The following PLXNA1 variants were observed in gnomAD, a reference collection of about 807,000 sequenced individuals.
PLXNA1 encodes plexin A1.
Under a neutral mutation model 191.7 loss-of-function variants are expected in PLXNA1, and 77 were observed. That is an observed-to-expected ratio of 0.40 (90% CI 0.33 to 0.49). The LOEUF is 0.49. PLXNA1 is among the 20% of genes least tolerant of loss of function. The pLI is 0.63. For synonymous variants in PLXNA1, 1,137 were observed against 1,156.4 expected (o/e 0.98, Z 0.34); for missense variants, 2,110 against 2,660.2 (o/e 0.79, Z 4.55).
At chr3:127,007,582 A>G (rs1031539388) in intron 8 of PLXNA1, among the ~76,000 whole-genome samples, 1 of 152,024 alleles carries the variant, frequency 6.6e-6, no homozygotes, top group Non-Finnish European at 1.5e-5. Flanking sequence ...GAAGGTGGGG[A>G]GGCAAGACAC....
At chr3:127,001,014 G>A (rs2079037577) in intron 3 of PLXNA1, among the ~76,000 whole-genome samples, 1 of 152,260 alleles carries the variant, frequency 6.6e-6, no homozygotes, top group Admixed American at 6.5e-5. Context: ...ATGGCGGATG[G>A]ACAGCTGGAC....
chr3:127,016,922 C>A (rs1401630352), intron 16 of PLXNA1, 22 bp from the exon 17 acceptor site: 1 of 1,596,814 alleles, frequency 6.3e-7, no homozygotes. Context: ...TTGGTGACCC[C>A]CCCACCCCTG....
At chr3:127,029,300 T>A in intron 26 of PLXNA1, 140 bp from the exon 27 acceptor site, 3 of 874,052 alleles carry the variant, frequency 3.4e-6, no homozygotes, top group Non-Finnish European at 5.7e-6. Context: ...GCTGTCCTGA[T>A]ATAGAGTTCC....
At chr3:127,022,427 G>A (rs2079156539) in intron 22 of PLXNA1, 86 bp downstream of exon 22, 4 of 1,512,286 alleles carry the variant, frequency 2.6e-6, no homozygotes, top group African/African-American at 1.4e-5. Context: ...CAGAGACGTT[G>A]CTGTGGCAGT....
rs1028155439 is a variant in PLXNA1 at position 127,018,156 on chromosome 3, C to G, written c.3661-138C>G. The G allele has an allele frequency of 4.5e-5, 41 of 906,026 alleles. No homozygotes were observed. In the African/African-American group the frequency reaches 6.2e-4, roughly 14 times the overall value. 56.1% of individuals were successfully genotyped at this position (906,026 alleles called of 1,614,324 possible). ...TGCCCTGGGTCCCAGTGTCTCCACCCTGGTGACCACTCTGTGCCCCTGTCG... is the reference window on the plus strand; with the variant it reads ...TGCCCTGGGTCCCAGTGTCTCCACCGTGGTGACCACTCTGTGCCCCTGTCG... On this transcript the variant is annotated intron_variant, in intron 19 of 31. Coordinates refer to ENST00000393409, the MANE Select transcript of PLXNA1 (RefSeq NM_032242.4).
chr3:127,013,206 C>G (rs1268750269), intron 10 of PLXNA1, among the ~76,000 whole-genome samples: 3 of 152,228 alleles, frequency 2.0e-5, no homozygotes, highest in Non-Finnish European at 4.4e-5. Context: ...CATTTCTGTT[C>G]TATCACCAAC....
chr3:127,034,134 C>A lies in PLXNA1; in HGVS notation c.*117C>A, dbSNP rs527975744. 2 of 925,844 alleles carry A rather than the reference C, an allele frequency of 2.2e-6. No individual in the cohort carries two copies. The highest frequency in any genetic ancestry group is 1.6e-5 in the African/African-American group (1 of 60,676). The allele number at this position is 925,844 out of a possible 1,614,324, so 57.4% of individuals were successfully genotyped here. A position where few individuals can be genotyped will look rare whatever the true frequency, so the allele number is the denominator to read the frequency against. The stretch of plus-strand genomic sequence containing the variant: ...TGGTGCTCGGGCCGCCGCAGTGCAG[C>A]GACTGCCCGGCCCTCCCTCCCCTGC... On this transcript the variant is annotated 3_prime_UTR_variant, in exon 32 of 32. Coordinates refer to ENST00000393409, the MANE Select transcript of PLXNA1 (RefSeq NM_032242.4).
At chr3:127,006,042 A>G in intron 7 of PLXNA1, 37 bp from the exon 8 acceptor site, 11 of 1,541,916 alleles carry the variant, frequency 7.1e-6, no homozygotes, top group Non-Finnish European at 9.9e-6. Context: ...AGTCCTGGGC[A>G]AGCAGTCCTG....
At position 126,989,488 on chromosome 3, in the gene PLXNA1, C is replaced by T. The variant is rs2107620386; in HGVS notation, c.895C>T (p.Pro299Ser). ...CAAATTCTACTCGTACGTTGAGTTC[C>T]CCATTGGCTGCGAGCAGGCGGGTGT... ...DPKFYSYVEF[P>S]IGCEQAGVEY... The change falls in exon 2 of 32, where the codon CCC becomes TCC. Residue 299 changes from proline (P) to serine (S), a missense_variant. Pro to Ser is a moderately conservative substitution (Grantham distance 74, BLOSUM62 -1). This residue lies in a region of PLXNA1 where 903 missense variants were observed against 1,015.7 expected (regional missense o/e 0.89). Coordinates refer to ENST00000393409, the MANE Select transcript of PLXNA1 (RefSeq NM_032242.4). 1.2e-6 allele frequency: 2 copies of T among 1,613,762 alleles called. No individual in the cohort carries two copies. Among genetic ancestry groups the T allele is most frequent in the Non-Finnish European group, 8.5e-7 (1 of 1,180,044 alleles).
At chr3:126,990,527 G>A (rs2078984999) in intron 2 of PLXNA1, among the ~76,000 whole-genome samples, 2 of 152,212 alleles carry the variant, frequency 1.3e-5, no homozygotes, top group African/African-American at 4.8e-5. Flanking sequence ...GAAAGTGAAG[G>A]GGCTGGGACT....
rs747239716 is a variant in PLXNA1, at chr3:127,029,009, C to T, written c.4686C>T (p.Arg1562=). ...CTCCCCCAGAGTGGCGCCAGGGCCGCATGGCGCGCATCATCCTGCAGGACG... is the reference window on the plus strand; with the variant it reads ...CTCCCCCAGAGTGGCGCCAGGGCCGTATGGCGCGCATCATCCTGCAGGACG... The part of the protein sequence containing the change: ...ADMDLEWRQG[R]MARIILQDED... Residue 1562 remains arginine, a synonymous_variant, in exon 26 of 32, where the codon CGC becomes CGT. Transcript: ENST00000393409. 1.2e-6 allele frequency: 2 copies of T among 1,612,912 alleles called. No homozygotes were observed. The highest frequency in any genetic ancestry group is 3.3e-5 in the Admixed American group (2 of 59,986).
chr3:127,028,666 G>C (rs1028528712), intron 25 of PLXNA1: 2 of 518,788 alleles, frequency 3.9e-6, no homozygotes, highest in Non-Finnish European at 6.9e-6. Context: ...CGGGTTTGGG[G>C]TGGGGCCCGG....
At chr3:127,027,289 C>T (rs1261425014) in intron 23 of PLXNA1, 2 of 253,848 alleles carry the variant, frequency 7.9e-6, no homozygotes, top group South Asian at 4.9e-5. Flanking sequence ...GTCAGGTGCC[C>T]GCTGAGGGCC....
Position 126,989,750 on chromosome 3 carries a change from C to T in PLXNA1, c.1157C>T (p.Pro386Leu), listed in dbSNP as rs908191042. ...CYRGEGKLSL[P>L]WLLNKELGCI... ...CGTGGTGAGGGCAAGCTCTCCCTGC[C>T]GTGGCTGCTCAACAAGGAGCTGGGC... The change falls in exon 2 of 32, where the codon CCG becomes CTG. Residue 386 changes from proline (P) to leucine (L), a missense_variant. By Grantham distance (98) the Pro-to-Leu change is moderately conservative. Around this residue, in one of 4 missense-constraint regions of PLXNA1, gnomAD observed 903 missense variants for 1,015.7 expected, o/e 0.89. Coordinates refer to ENST00000393409, the MANE Select transcript of PLXNA1 (RefSeq NM_032242.4). 13 of 1,611,822 alleles carry T rather than the reference C, an allele frequency of 8.1e-6. No individual in the cohort carries two copies. The highest frequency in any genetic ancestry group is 1.7e-5 in the Admixed American group (1 of 59,902).
intron 27 of PLXNA1, 39 bp from the exon 28 acceptor site, chr3:127,029,835 G>T (rs1442049677): frequency 1.9e-6 from 3 of 1,542,210 alleles, no homozygotes; most frequent in Non-Finnish European, 2.6e-6. Context: ...GGGGTGCGGG[G>T]TGCCAGCCAA....
intron 10 of PLXNA1, 46 bp from the exon 11 acceptor site, chr3:127,013,974 T>C: frequency 6.4e-7 from 1 of 1,574,154 alleles, no homozygotes; most frequent in Non-Finnish European, 8.7e-7. Context: ...TTGGGAGGCC[T>C]GGAGGCCGCT....
At chr3:127,007,399 A>G (rs939633110) in intron 8 of PLXNA1, among the ~76,000 whole-genome samples, 3 of 152,350 alleles carry the variant, frequency 2.0e-5, no homozygotes, top group Admixed American at 2.0e-4. Flanking sequence ...GCTTCAGTTT[A>G]AATCTAAGTT....
chr3:127,008,369 G>C (rs554065735), intron 9 of PLXNA1, among the ~76,000 whole-genome samples: 13 of 152,278 alleles, frequency 8.5e-5, no homozygotes, highest in Admixed American at 7.8e-4. Flanking sequence ...GGCCTAGCGT[G>C]CCTGAAGGCT....
intron 29 of PLXNA1, chr3:127,031,982 G>A (rs1412576178): frequency 1.0e-5 from 2 of 200,134 alleles, no homozygotes; most frequent in African/African-American, 4.7e-5. Flanking sequence ...GGGCACAGAG[G>A]GCTGGTCTCT....
Sources: allele counts gnomAD v4.1 joint callset (sites outside exome capture counted in the v4.1 genomes callset), GRCh38; gene constraint gnomAD v4.1.1; regional missense constraint gnomAD v4.1.1; transcripts MANE v1.5; gene names NCBI Gene and HGNC (gene_info 2026-07-23, HGNC 2026-07-21).